RNF220: variants seen among roughly 807,000 people sequenced by gnomAD.
RNF220 encodes E3 ubiquitin-protein ligase RNF220.
Under a neutral mutation model 67.1 loss-of-function variants are expected in RNF220, and 7 were observed. The ratio of observed to expected loss-of-function variants is 0.10; its 90% CI spans 0.06 to 0.20. RNF220 has a LOEUF of 0.20. RNF220 is among the 10% of genes least tolerant of loss of function. RNF220 has a pLI of 1.00. For missense variants in RNF220, 565 were observed against 740.3 expected (o/e 0.76, Z 2.75); for synonymous variants, 270 against 283.2 (o/e 0.95, Z 0.47).
At position 44,479,983 on chromosome 1, in the gene RNF220, A is replaced by G. The variant is rs564691683; in HGVS notation, c.625+67261A>G. On this transcript the variant is annotated intron_variant, in intron 2 of 14. Coordinates refer to ENST00000361799, the MANE Select transcript of RNF220 (RefSeq NM_018150.4). ...AGTTTAGTCACAAGTTTACCACTAA[A>G]TAATACAAGTTGCTATTATTCCCGG... Among the ~76,000 whole-genome samples, 273 of 152,368 alleles carry G rather than the reference A, an allele frequency of 1.8e-3. 1 individual carries two copies. Among genetic ancestry groups the G allele is most frequent in the African/African-American group, 6.3e-3 (262 of 41,590 alleles).
At chr1:44,596,513 C>T (rs953719388) in intron 2 of RNF220, among the ~76,000 whole-genome samples, 5 of 151,620 alleles carry the variant, frequency 3.3e-5, no homozygotes, top group African/African-American at 7.3e-5. Context: ...AGTGAGCCCT[C>T]GTGCCATTGC....
At chr1:44,582,629 C>T (rs1355370642) in intron 2 of RNF220, among the ~76,000 whole-genome samples, 2 of 150,580 alleles carry the variant, frequency 1.3e-5, no homozygotes, top group African/African-American at 4.9e-5. Flanking sequence ...TGGTGGCAGG[C>T]GCCTCTAATC....
chr1:44,503,700 A>G (rs1658146217), intron 2 of RNF220, among the ~76,000 whole-genome samples: 1 of 152,194 alleles, frequency 6.6e-6, no homozygotes, highest in Non-Finnish European at 1.5e-5. Context: ...GCATTGAGAA[A>G]GTTAACCCAA....
At chr1:44,626,093 C>A (rs1643930769) in intron 4 of RNF220, among the ~76,000 whole-genome samples, 1 of 152,100 alleles carries the variant, frequency 6.6e-6, no homozygotes, top group African/African-American at 2.4e-5. Context: ...GGGTCTCTAC[C>A]CATCCCTAAA....
At chr1:44,643,606 A>T (rs1160873833) in intron 8 of RNF220, 3 of 152,238 alleles carry the variant, frequency 2.0e-5, no homozygotes, top group African/African-American at 7.2e-5. Context: ...TAATGAGAGT[A>T]TAAGGACCTG....
At chr1:44,597,380 T>C (rs558287025) in intron 2 of RNF220, among the ~76,000 whole-genome samples, 17 of 151,824 alleles carry the variant, frequency 1.1e-4, no homozygotes, top group Non-Finnish European at 2.4e-4. Context: ...GAGGGGAGAA[T>C]TTGAAGAGAC....
At chr1:44,601,868 T>C (rs2148400231) in intron 2 of RNF220, among the ~76,000 whole-genome samples, 1 of 152,304 alleles carries the variant, frequency 6.6e-6, no homozygotes. Context: ...TTTCCCCAGC[T>C]GTGCTTAGCC....
intron 2 of RNF220, among the ~76,000 whole-genome samples, chr1:44,487,881 A>AAAAT (rs1004528899): frequency 2.0e-5 from 3 of 150,722 alleles, no homozygotes; most frequent in African/African-American, 7.3e-5. Flanking sequence ...CTCTGTATCA[A>AAAAT]AAATAAATAA....
At chr1:44,538,306 T>C (rs932675769) in intron 2 of RNF220, among the ~76,000 whole-genome samples, 2 of 152,208 alleles carry the variant, frequency 1.3e-5, no homozygotes, top group Admixed American at 1.3e-4. Flanking sequence ...TTCCGTCTGA[T>C]TTACCCTATA....
chr1:44,616,600 C>CCG (rs1643556965), intron 3 of RNF220, among the ~76,000 whole-genome samples: 3 of 152,174 alleles, frequency 2.0e-5, no homozygotes, highest in Admixed American at 2.0e-4. Context: ...CCCTACCCCC[C>CCG]GCCCACACAC....
intron 2 of RNF220, among the ~76,000 whole-genome samples, chr1:44,590,572 G>A (rs932807185): frequency 1.3e-5 from 2 of 152,144 alleles, no homozygotes; most frequent in African/African-American, 4.8e-5. Context: ...TGCTGTGTCC[G>A]GTTCCCCGCT....
At position 44,589,613 on chromosome 1, in the gene RNF220, C is replaced by CAA. The variant is rs11437946; in HGVS notation, c.626-24536_626-24535dup. Among the ~76,000 whole-genome samples, 758 of 109,144 alleles carry CAA rather than the reference C, an allele frequency of 6.9e-3. 10 individuals are homozygous for CAA. The highest frequency in any genetic ancestry group is 0.022 in the African/African-American group (598 of 26,978). 71.6% of individuals were successfully genotyped at this position (109,144 alleles called of 152,430 possible). On this transcript the variant is annotated intron_variant, in intron 2 of 14. Transcript: ENST00000361799. ...TGGGTGACAGAGCGAGACTGCATCT[C>CAA]AAAAAAAAAAAAAAAAAGGAATATC...
chr1:44,576,827 T>G (rs143206041), intron 2 of RNF220, among the ~76,000 whole-genome samples: 62 of 152,296 alleles, frequency 4.1e-4, no homozygotes, highest in African/African-American at 1.4e-3. Flanking sequence ...CTGGTTGGGC[T>G]GGGCCAAGCT....
chr1:44,459,908 A>T (rs1313994245), intron 2 of RNF220, among the ~76,000 whole-genome samples: 1 of 152,222 alleles, frequency 6.6e-6, no homozygotes, highest in Admixed American at 6.5e-5. Flanking sequence ...CGAAACAGTC[A>T]GGAAGTCACT....
chr1:44,505,056 C>T (rs1034514866), intron 2 of RNF220, among the ~76,000 whole-genome samples: 2 of 152,200 alleles, frequency 1.3e-5, no homozygotes, highest in Non-Finnish European at 2.9e-5. Flanking sequence ...CCTCATTTAT[C>T]GTTACAGCAA....
chr1:44,598,416 C>T (rs1021793773), intron 2 of RNF220, among the ~76,000 whole-genome samples: 5 of 152,194 alleles, frequency 3.3e-5, no homozygotes, highest in South Asian at 4.1e-4. Flanking sequence ...GGAGTGAAGA[C>T]GTGAATTCTC....
Position 44,538,006 on chromosome 1 carries a change from G to A in RNF220, c.626-76159G>A, listed in dbSNP as rs369879319. On this transcript the variant is annotated intron_variant, in intron 2 of 14. Transcript: ENST00000361799. The stretch of plus-strand genomic sequence containing the variant: ...GCCTACATGCAGAATAGTTACTTTC[G>A]TCTGTTAAATCTCACCTGTATGCCT... 7.9e-5 allele frequency among the ~76,000 whole-genome samples: 12 copies of A among 152,306 alleles called. No individual in the cohort carries two copies. In the East Asian group the frequency reaches 9.6e-4, roughly 12 times the overall value.
chr1:44,555,225 G>A (rs956740778), intron 2 of RNF220, among the ~76,000 whole-genome samples: 1 of 151,892 alleles, frequency 6.6e-6, no homozygotes, highest in Non-Finnish European at 1.5e-5. Context: ...ACGACACCAC[G>A]CCTAGCTAAG....
intron 5 of RNF220, among the ~76,000 whole-genome samples, chr1:44,630,275 C>T (rs1463807613): frequency 6.6e-6 from 1 of 152,206 alleles, no homozygotes; most frequent in Non-Finnish European, 1.5e-5. Context: ...GACTAACTAA[C>T]CCTCTTTATC....
Sources: allele counts gnomAD v4.1 joint callset (sites outside exome capture counted in the v4.1 genomes callset), GRCh38; gene constraint gnomAD v4.1.1; transcripts MANE v1.5; gene names NCBI Gene and HGNC (gene_info 2026-07-23, HGNC 2026-07-21).